The following NRG3 variants were observed in gnomAD, a reference collection of about 807,000 sequenced individuals.
The protein encoded by NRG3 is pro-neuregulin-3, membrane-bound isoform.
Under a neutral mutation model 66.9 loss-of-function variants are expected in NRG3, and 31 were observed. The ratio of observed to expected loss-of-function variants is 0.46; its 90% confidence interval spans 0.35 to 0.63. The LOEUF (loss-of-function observed/expected upper bound fraction) is 0.63, where lower values mean the gene tolerates loss of function less well. NRG3 is among the 20% of genes least tolerant of loss of function. The probability of loss-of-function intolerance (pLI) is 0.00; values close to 1 mark genes in which losing one functional copy is unlikely to be tolerated. For synonymous variants in NRG3, 393 were observed against 359.4 expected, an observed-to-expected ratio of 1.09 and a Z score of -1.06; for missense variants, 910 against 878.9, an observed-to-expected ratio of 1.04 and a Z score of -0.45.
chr10:82,336,805 A>T (rs1402898286), intron 1 of NRG3, among the ~76,000 whole-genome samples: 1 of 152,166 alleles, frequency 6.6e-6, no homozygotes, highest in African/African-American at 2.4e-5. Context: ...CATAGCTGTT[A>T]TTTCTGCAAA....
chr10:82,066,751 T>G (rs570910072), intron 1 of NRG3, among the ~76,000 whole-genome samples: 2 of 152,296 alleles, frequency 1.3e-5, no homozygotes, highest in South Asian at 4.1e-4. Flanking sequence ...TTAGGACCAG[T>G]AAACATTGGG....
intron 1 of NRG3, among the ~76,000 whole-genome samples, chr10:81,977,501 A>C (rs2060168366): frequency 6.6e-6 from 1 of 152,228 alleles, no homozygotes; most frequent in Non-Finnish European, 1.5e-5. Flanking sequence ...CACTTGTGAA[A>C]AACAGCAAAA....
At chr10:82,073,626 G>A (rs941570070) in intron 1 of NRG3, among the ~76,000 whole-genome samples, 4 of 151,934 alleles carry the variant, frequency 2.6e-5, no homozygotes, top group Non-Finnish European at 4.4e-5. Context: ...CATTTTCATG[G>A]TACGATTTAT....
chr10:82,051,687 G>A (rs968392408), intron 1 of NRG3, among the ~76,000 whole-genome samples: 6 of 152,146 alleles, frequency 3.9e-5, no homozygotes, highest in African/African-American at 1.4e-4. Context: ...GAGTGATCTA[G>A]TTTTGAAGTA....
rs74144335 is a variant in NRG3, at chr10:82,294,280, C to G, written c.824-64459C>G. Among the ~76,000 whole-genome samples, 915 of 152,252 alleles carry G rather than the reference C, an allele frequency of 6.0e-3. 9 individuals are homozygous for G. The highest frequency in any genetic ancestry group is 0.021 in the African/African-American group (861 of 41,540). ...TTATTTAACCTTAAGTAAAATTAACCTTGGATTGATCCGAGGTGAATAAAG... is the reference window on the plus strand; with the variant it reads ...TTATTTAACCTTAAGTAAAATTAACGTTGGATTGATCCGAGGTGAATAAAG... On this transcript the variant is annotated intron_variant, in intron 1 of 8. Coordinates refer to ENST00000372141, the MANE Select transcript of NRG3 (RefSeq NM_001010848.4).
At chr10:82,413,524 C>T (rs1213524403) in intron 2 of NRG3, among the ~76,000 whole-genome samples, 1 of 152,068 alleles carries the variant, frequency 6.6e-6, no homozygotes, top group African/African-American at 2.4e-5. Flanking sequence ...GATAAATGAA[C>T]CTTGGCTTCA....
At position 81,965,990 on chromosome 10, in the gene NRG3, T is replaced by A. The variant is rs114855162; in HGVS notation, c.823+89827T>A. On this transcript the variant is annotated intron_variant, in intron 1 of 8. Coordinates refer to ENST00000372141, the MANE Select transcript of NRG3 (RefSeq NM_001010848.4). ...AACATTAATGGAAATGCTGACTTTT[T>A]TCTGAACATTTAGTATAATGTATAC... Among the ~76,000 whole-genome samples the A allele has an allele frequency of 7.8e-3, 1,182 of 152,136 alleles. 20 individuals carry two copies. Among genetic ancestry groups the A allele is most frequent in the African/African-American group, 0.027 (1,106 of 41,548 alleles).
intron 2 of NRG3, among the ~76,000 whole-genome samples, chr10:82,597,771 A>T (rs2047373038): frequency 6.6e-6 from 1 of 152,012 alleles, no homozygotes; most frequent in African/African-American, 2.4e-5. Context: ...AAACACAAAA[A>T]TTAGCTGGGC....
At chr10:82,229,755 C>G (rs2076358782) in intron 1 of NRG3, among the ~76,000 whole-genome samples, 1 of 152,154 alleles carries the variant, frequency 6.6e-6, no homozygotes, top group East Asian at 1.9e-4. Flanking sequence ...ATCTAACCAC[C>G]TCCCATGAGG....
At chr10:82,618,687 C>T (rs1490455008) in intron 2 of NRG3, among the ~76,000 whole-genome samples, 2 of 151,762 alleles carry the variant, frequency 1.3e-5, no homozygotes, top group Admixed American at 6.6e-5. Context: ...CTTCCAATTC[C>T]AAACTTTACA....
At chr10:82,265,574 G>A (rs896323930) in intron 1 of NRG3, among the ~76,000 whole-genome samples, 6 of 152,144 alleles carry the variant, frequency 3.9e-5, no homozygotes, top group Admixed American at 1.3e-4. Flanking sequence ...AATAGATAAC[G>A]ATGAGTTCTG....
chr10:82,613,149 C>A (rs2048413258), intron 2 of NRG3, among the ~76,000 whole-genome samples: 1 of 152,104 alleles, frequency 6.6e-6, no homozygotes, highest in African/African-American at 2.4e-5. Context: ...AAGAATATAA[C>A]TTCCCAGTTA....
chr10:82,493,793 C>T (rs1193866630), intron 2 of NRG3, among the ~76,000 whole-genome samples: 1 of 152,156 alleles, frequency 6.6e-6, no homozygotes, highest in African/African-American at 2.4e-5. Context: ...AAGAAACTAT[C>T]ATCAGAGGAA....
At chr10:82,509,567 T>A (rs949757455) in intron 2 of NRG3, among the ~76,000 whole-genome samples, 3 of 152,168 alleles carry the variant, frequency 2.0e-5, no homozygotes, top group Non-Finnish European at 4.4e-5. Flanking sequence ...CAGTAAGCAC[T>A]TATGATGTAT....
intron 2 of NRG3, among the ~76,000 whole-genome samples, chr10:82,630,011 C>T (rs148434424): frequency 0.01 from 1,534 of 152,130 alleles, 24 homozygotes; most frequent in African/African-American, 0.036. Flanking sequence ...ATCCAGGGAC[C>T]CATGGACCAG....
chr10:82,374,836 G>T (rs116521502), intron 2 of NRG3, among the ~76,000 whole-genome samples: 2 of 152,146 alleles, frequency 1.3e-5, no homozygotes, highest in Non-Finnish European at 2.9e-5. Flanking sequence ...TTATGCCAGA[G>T]CAAGCTTTCC....
At chr10:82,889,209 G>A (rs1417246142) in intron 4 of NRG3, among the ~76,000 whole-genome samples, 4 of 152,074 alleles carry the variant, frequency 2.6e-5, no homozygotes, top group Non-Finnish European at 5.9e-5. Flanking sequence ...AGACACGAGG[G>A]TGACCTGAAC....
intron 1 of NRG3, among the ~76,000 whole-genome samples, chr10:82,039,604 C>A (rs1445644086): frequency 6.6e-6 from 1 of 152,116 alleles, no homozygotes; most frequent in Non-Finnish European, 1.5e-5. Context: ...CAAGGTCTTA[C>A]AGTGAACTCG....
intron 2 of NRG3, among the ~76,000 whole-genome samples, chr10:82,696,531 A>G (rs2055396864): frequency 6.6e-6 from 1 of 152,098 alleles, no homozygotes; most frequent in Admixed American, 6.6e-5. Flanking sequence ...TGATTTCCGT[A>G]TTGTCTAGAG....
Sources: allele counts gnomAD v4.1 joint callset (sites outside exome capture counted in the v4.1 genomes callset), GRCh38; gene constraint gnomAD v4.1.1; transcripts MANE v1.5; gene names NCBI Gene and HGNC (gene_info 2026-07-23, HGNC 2026-07-21).